Variants in TSLP observed in about 807,000 individuals in gnomAD.
The protein encoded by TSLP is thymic stroma-derived lymphopoietin.
Under a neutral mutation model 12.4 loss-of-function variants are expected in TSLP, and 12 were observed. The observed-to-expected ratio is 0.97, with a 90% CI of 0.62 to 1.57. TSLP has a LOEUF of 1.57. Among genes scored for constraint, TSLP ranks in the 40% most tolerant of loss-of-function variants. TSLP has a pLI of 0.00. For missense variants in TSLP, 222 were observed against 189.6 expected, an observed-to-expected ratio of 1.17 and a Z score of -1.00; for synonymous variants, 97 against 69.5, an observed-to-expected ratio of 1.40 and a Z score of -1.97.
In TSLP at chr5:111,071,844, G is replaced by A; in HGVS notation, c.-47G>A. On this transcript the variant is annotated 5_prime_UTR_variant, in exon 1 of 4. The change creates a new upstream start codon in the 5' untranslated region. Transcript: ENST00000344895. ...GCCTTACAGATCTCTTACACTCGTG[G>A]TGGGAAGAGTTTAGTGTGAAACTGG... The A allele has an allele frequency of 6.3e-7, 1 of 1,593,946 alleles. No homozygotes were observed. Among genetic ancestry groups the A allele is most frequent in the Non-Finnish European group, 8.6e-7 (1 of 1,166,506 alleles).
intron 2 of TSLP, chr5:111,073,231 G>A (rs190304866): frequency 1.5e-6 from 2 of 1,359,002 alleles, no homozygotes; most frequent in East Asian, 2.6e-5. Flanking sequence ...GCTCGGGCTC[G>A]GAATTTTGGC....
At position 111,077,791 on chromosome 5, in the gene TSLP, G is replaced by T. The variant is rs10073816; in HGVS notation, c.*1717G>T. 1 of 152,336 alleles carries T rather than the reference G, an allele frequency of 6.6e-6. No individual in the cohort carries two copies. Among genetic ancestry groups the T allele is most frequent in the Non-Finnish European group, 1.5e-5 (1 of 67,984 alleles). 9.4% of individuals were successfully genotyped at this position (152,336 alleles called of 1,614,324 possible). ...ATAATTTATATATTTTATTCTATGTGTTCCATAGATATCTTAATGTAAAAT... is the reference window on the plus strand; with the variant it reads ...ATAATTTATATATTTTATTCTATGTTTTCCATAGATATCTTAATGTAAAAT... On this transcript the variant is annotated 3_prime_UTR_variant, in exon 4 of 4. Coordinates refer to ENST00000344895, the MANE Select transcript of TSLP (RefSeq NM_033035.5).
intron 3 of TSLP, 71 bp downstream of exon 3, chr5:111,073,716 G>C (rs1752411134): frequency 2.0e-6 from 3 of 1,490,306 alleles, no homozygotes; most frequent in Non-Finnish European, 2.7e-6. Flanking sequence ...CTTTGGTGCA[G>C]AAGTCGTTCT....
intron 3 of TSLP, among the ~76,000 whole-genome samples, chr5:111,074,539 A>G (rs1194863153): frequency 6.6e-6 from 1 of 151,810 alleles, no homozygotes; most frequent in Admixed American, 6.6e-5. Flanking sequence ...AGGAACAGAG[A>G]GAGACAAGTG....
chr5:111,073,375 T>G, intron 2 of TSLP, 136 bp from the exon 3 acceptor site: 1 of 1,537,508 alleles, frequency 6.5e-7, no homozygotes, highest in East Asian at 2.3e-5. Context: ...AACCCTGACC[T>G]CTTCTCTCTG....
intron 2 of TSLP, 175 bp from the exon 3 acceptor site, chr5:111,073,336 C>A: frequency 6.9e-7 from 1 of 1,451,812 alleles, no homozygotes; most frequent in Non-Finnish European, 9.0e-7. Context: ...CCCCTGCTCC[C>A]CCGCGGTTGG....
intron 3 of TSLP, among the ~76,000 whole-genome samples, chr5:111,074,947 T>G (rs940070255): frequency 1.3e-5 from 2 of 152,166 alleles, no homozygotes; most frequent in Non-Finnish European, 2.9e-5. Context: ...GGTTGAGGAT[T>G]GAAGCCATAG....
chr5:111,071,629 G>T, upstream of TSLP: 1 of 1,458,130 alleles, frequency 6.9e-7, no homozygotes, highest in South Asian at 1.5e-5. Flanking sequence ...GGAAGAGAAT[G>T]ACATGGTAGA....
rs1248786491 is a variant in TSLP, at chr5:111,073,499, G to A, written c.217-12G>A. The A allele has an allele frequency of 1.2e-6, 2 of 1,613,298 alleles. No individual in the cohort carries two copies. The highest frequency in any genetic ancestry group is 3.3e-5 in the Admixed American group (2 of 59,876). On this transcript the variant is annotated splice_polypyrimidine_tract_variant and intron_variant, in intron 2 of 3. Coordinates refer to ENST00000344895, the MANE Select transcript of TSLP (RefSeq NM_033035.5). ...TTCTCCTTTTCTCGTAAACTTTGCC[G>A]CCTATGAGCAGCCACATTGCCTTAC...
chr5:111,071,172 G>A (rs181259183), upstream of TSLP: 9 of 324,318 alleles, frequency 2.8e-5, no homozygotes, highest in Admixed American at 4.1e-4. Context: ...CTAAGGTTCT[G>A]GTCACGGTTG....
At chr5:111,075,736 G>A (rs765182458) in intron 3 of TSLP, among the ~76,000 whole-genome samples, 2 of 152,166 alleles carry the variant, frequency 1.3e-5, no homozygotes, top group African/African-American at 4.8e-5. Context: ...CTTTTTGAAG[G>A]AGGTGGTGCT....
In TSLP at chr5:111,072,909, A is replaced by C. The variant is rs369622104; in HGVS notation, c.193A>C (p.Asn65His). Reference sequence around the variant, plus strand: ...CCAGACCAAAAGTACCGAGTTCAACAACACCGTCTCTTGTAGCAATCGGGT... The same window carrying C: ...CCAGACCAAAAGTACCGAGTTCAACCACACCGTCTCTTGTAGCAATCGGGT... Reference protein sequence around the residue: ...MSGTKSTEFNNTVSCSNRPHC... With the variant: ...MSGTKSTEFNHTVSCSNRPHC... Residue 65 changes from asparagine (N) to histidine (H), a missense_variant, in exon 2 of 4, where the codon AAC becomes CAC. Physicochemically the swap from Asn to His is moderately conservative, Grantham distance 68. Transcript: ENST00000344895. 6 of 1,614,078 alleles carry C rather than the reference A, an allele frequency of 3.7e-6. No homozygotes were observed. The highest frequency in any genetic ancestry group is 5.1e-6 in the Non-Finnish European group (6 of 1,180,038).
intron 1 of TSLP, among the ~76,000 whole-genome samples, chr5:111,072,639 A>G (rs1310163965): frequency 6.6e-6 from 1 of 152,184 alleles, no homozygotes; most frequent in Non-Finnish European, 1.5e-5. Flanking sequence ...TGCTATGTGC[A>G]GTTATGGCTT....
Position 111,075,942 on chromosome 5 carries a change from G to C in TSLP, c.352-4G>C, listed in dbSNP as rs1339002667. The C allele has an allele frequency of 6.2e-7, 1 of 1,611,744 alleles. No homozygotes were observed. The highest frequency in any genetic ancestry group is 2.2e-5 in the East Asian group (1 of 44,848). On this transcript the variant is annotated splice_polypyrimidine_tract_variant and splice_region_variant and intron_variant, in intron 3 of 3. Transcript: ENST00000344895. ...TTTTGACTATTGATTCTTATATTCTGCAGATAAATGCTACTCAGGCAATGA... is the reference window on the plus strand; with the variant it reads ...TTTTGACTATTGATTCTTATATTCTCCAGATAAATGCTACTCAGGCAATGA...
At chr5:111,073,318 T>A in intron 2 of TSLP, 193 bp from the exon 3 acceptor site, 1 of 1,431,534 alleles carries the variant, frequency 7.0e-7, no homozygotes, top group South Asian at 1.5e-5. Context: ...TCCGCCACCC[T>A]CGCCACGCCC....
chr5:111,075,046 G>A (rs1363584276), intron 3 of TSLP, among the ~76,000 whole-genome samples: 1 of 152,158 alleles, frequency 6.6e-6, no homozygotes, highest in Non-Finnish European at 1.5e-5. Context: ...TTATGAAGGA[G>A]ACCCTGGCAA....
chr5:111,071,646 T>A, upstream of TSLP: 1 of 1,437,108 alleles, frequency 7.0e-7, no homozygotes, highest in Non-Finnish European at 9.2e-7. Context: ...TAGAAAATCA[T>A]TGGCCTAGGA....
upstream of TSLP, chr5:111,071,204 G>A (rs1752330106): frequency 7.8e-6 from 3 of 382,994 alleles, no homozygotes; most frequent in Non-Finnish European, 1.4e-5. Context: ...CTTTCACATG[G>A]AAGTGCTGTC....
At chr5:111,073,269 G>A in intron 2 of TSLP, 1 of 1,414,164 alleles carries the variant, frequency 7.1e-7, no homozygotes, top group South Asian at 1.6e-5. Flanking sequence ...GACTTGGGAG[G>A]AGCGAGCGTG....
Sources: allele counts gnomAD v4.1 joint callset (sites outside exome capture counted in the v4.1 genomes callset), GRCh38; gene constraint gnomAD v4.1.1; transcripts MANE v1.5; gene names NCBI Gene and HGNC (gene_info 2026-07-23, HGNC 2026-07-21).